PITPNC1: variants seen among roughly 807,000 people sequenced by gnomAD.
The protein encoded by PITPNC1 is phosphatidylinositol transfer protein cytoplasmic 1, also known as cytoplasmic phosphatidylinositol transfer protein 1.
A neutral mutation model predicts 44.7 loss-of-function variants in PITPNC1; 18 were observed. The ratio of observed to expected loss-of-function variants is 0.40; its 90% CI spans 0.28 to 0.60. PITPNC1 has a LOEUF of 0.60. PITPNC1 is among the 20% of genes least tolerant of loss of function. PITPNC1 has a pLI of 0.39. For missense variants in PITPNC1, 290 were observed against 418.4 expected, an observed-to-expected ratio of 0.69 and a Z score of 2.68; for synonymous variants, 141 against 149.6, an observed-to-expected ratio of 0.94 and a Z score of 0.42.
chr17:67,631,657 A>AAAAAAAATATAT (rs1555574522), intron 5 of PITPNC1, among the ~76,000 whole-genome samples: 1 of 7,680 alleles, frequency 1.3e-4, no homozygotes, highest in African/African-American at 3.7e-4. Context: ...AAAAAAAAAA[A>AAAAAAAATATAT]ATATATATAT....
At chr17:67,574,753 C>G (rs1348564472) in intron 4 of PITPNC1, among the ~76,000 whole-genome samples, 1 of 152,040 alleles carries the variant, frequency 6.6e-6, no homozygotes, top group African/African-American at 2.4e-5. Context: ...CCCGCACACC[C>G]CAGGACTCTG....
At chr17:67,565,874 G>A (rs183125934) in intron 4 of PITPNC1, among the ~76,000 whole-genome samples, 11,993 of 150,052 alleles carry the variant, frequency 0.08, 818 homozygotes, top group African/African-American at 0.2. Context: ...ATGTTTTTTC[G>A]GTGTGTATAC....
chr17:67,552,113 G>A (rs1418568617), intron 2 of PITPNC1, 144 bp from the exon 3 acceptor site: 8 of 625,198 alleles, frequency 1.3e-5, no homozygotes, highest in African/African-American at 3.7e-5. Flanking sequence ...GACAAAGACC[G>A]AAGAGATGGG....
At chr17:67,509,597 A>C (rs933615449) in intron 1 of PITPNC1, among the ~76,000 whole-genome samples, 6 of 150,212 alleles carry the variant, frequency 4.0e-5, no homozygotes, top group Admixed American at 2.6e-4. Flanking sequence ...TAAATAAATA[A>C]ATAAAACGTG....
chr17:67,664,969 G>T (rs1206067378), intron 6 of PITPNC1, among the ~76,000 whole-genome samples: 1 of 151,544 alleles, frequency 6.6e-6, no homozygotes, highest in Non-Finnish European at 1.5e-5. Context: ...ATTTCATTGT[G>T]TGGATATACC....
At chr17:67,434,427 C>T (rs1213428865) in intron 1 of PITPNC1, among the ~76,000 whole-genome samples, 1 of 151,176 alleles carries the variant, frequency 6.6e-6, no homozygotes, top group African/African-American at 2.4e-5. Flanking sequence ...GTTTCCTTTT[C>T]CGGCTCCCAC....
intron 6 of PITPNC1, among the ~76,000 whole-genome samples, chr17:67,642,614 A>G (rs1156277725): frequency 6.6e-6 from 1 of 152,218 alleles, no homozygotes; most frequent in African/African-American, 2.4e-5. Context: ...CTCACTTCCC[A>G]AGGAACAATG....
chr17:67,436,194 T>C (rs1386507036), intron 1 of PITPNC1, among the ~76,000 whole-genome samples: 2 of 150,424 alleles, frequency 1.3e-5, no homozygotes, highest in Non-Finnish European at 2.9e-5. Flanking sequence ...AGAGACAGGG[T>C]CTCACTTTCT....
In PITPNC1 at chr17:67,597,478, C is replaced by T. The variant is rs1013645383; in HGVS notation, c.366+19221C>T. The stretch of plus-strand genomic sequence containing the variant: ...CTGAGGCAGGAGAATCACTTGAATA[C>T]GGGAGGTGGAGGTTGCAGTGAGCTG... On this transcript the variant is annotated intron_variant, in intron 5 of 8. Transcript: ENST00000581322. The surrounding 1 kb of genome is among the most constrained non-coding windows in gnomAD (Gnocchi z 4.0). Among the ~76,000 whole-genome samples, 61 of 152,042 alleles carry T rather than the reference C, an allele frequency of 4.0e-4. No homozygotes were observed. The highest frequency in any genetic ancestry group is 1.4e-3 in the African/African-American group (59 of 41,482).
At chr17:67,659,950 G>T (rs1261998677) in intron 6 of PITPNC1, among the ~76,000 whole-genome samples, 3 of 152,020 alleles carry the variant, frequency 2.0e-5, no homozygotes, top group African/African-American at 7.2e-5. Context: ...CGCAATCTCA[G>T]GTCACTGCAA....
intron 1 of PITPNC1, among the ~76,000 whole-genome samples, chr17:67,411,591 C>T (rs2038497994): frequency 6.6e-6 from 1 of 152,032 alleles, no homozygotes; most frequent in Non-Finnish European, 1.5e-5. Flanking sequence ...CTAGGGGAAC[C>T]TGTGTCCTAG....
chr17:67,627,253 C>T (rs1265950254), intron 5 of PITPNC1, among the ~76,000 whole-genome samples: 1 of 152,124 alleles, frequency 6.6e-6, no homozygotes, highest in Non-Finnish European at 1.5e-5. Flanking sequence ...GACTTCATCT[C>T]AAAAAGAAAA....
chr17:67,574,389 G>A (rs1385423578), intron 4 of PITPNC1, among the ~76,000 whole-genome samples: 1 of 152,166 alleles, frequency 6.6e-6, no homozygotes, highest in Non-Finnish European at 1.5e-5. Context: ...TGGAGGAAAG[G>A]GATGTGTCAG....
At chr17:67,416,407 G>A (rs1205038302) in intron 1 of PITPNC1, among the ~76,000 whole-genome samples, 1 of 151,650 alleles carries the variant, frequency 6.6e-6, no homozygotes, top group African/African-American at 2.4e-5. Flanking sequence ...GTAGAGATGG[G>A]ATTCCACCAT....
intron 1 of PITPNC1, among the ~76,000 whole-genome samples, chr17:67,463,103 A>T (rs1379336537): frequency 6.6e-6 from 1 of 152,260 alleles, no homozygotes; most frequent in East Asian, 1.9e-4. Context: ...GTTTATATAG[A>T]CTGTGTACAT....
At chr17:67,652,698 G>A (rs9906698) in intron 6 of PITPNC1, among the ~76,000 whole-genome samples, 8,472 of 152,254 alleles carry the variant, frequency 0.056, 784 homozygotes, top group African/African-American at 0.19. Flanking sequence ...CAAGAGCATC[G>A]CTTGCAGAGA....
At chr17:67,417,228 C>T (rs1567981767) in intron 1 of PITPNC1, among the ~76,000 whole-genome samples, 2 of 152,006 alleles carry the variant, frequency 1.3e-5, no homozygotes, top group South Asian at 2.1e-4. Flanking sequence ...AACTCCTGGG[C>T]TTGAGTGATC....
chr17:67,658,537 G>A (rs754097615), intron 6 of PITPNC1, among the ~76,000 whole-genome samples: 20 of 152,146 alleles, frequency 1.3e-4, no homozygotes, highest in East Asian at 1.2e-3. Context: ...CTTGCCTTTC[G>A]CATAATAAAT....
In PITPNC1 at chr17:67,647,473, T is replaced by TG. The variant is rs1364160225; in HGVS notation, c.462+15235_462+15236insG. 8.2e-4 allele frequency among the ~76,000 whole-genome samples: 76 copies of TG among 92,320 alleles called. 1 individual carries two copies. Among genetic ancestry groups the TG allele is most frequent in the Non-Finnish European group, 1.3e-3 (67 of 49,786 alleles). The allele number at this position is 92,320 out of a possible 152,430, so 60.6% of individuals were successfully genotyped here. ...ACCCAGCTAATTTTGGGTTTTTTTT[T>TG]TTTTTTTTTTTTTTTTTTTTGTAGA... On this transcript the variant is annotated intron_variant, in intron 6 of 8. Coordinates refer to ENST00000581322, the MANE Select transcript of PITPNC1 (RefSeq NM_012417.4).
Sources: allele counts gnomAD v4.1 joint callset (sites outside exome capture counted in the v4.1 genomes callset), GRCh38; gene constraint gnomAD v4.1.1; non-coding constraint Gnocchi (gnomAD v3.1); transcripts MANE v1.5; gene names NCBI Gene and HGNC (gene_info 2026-07-23, HGNC 2026-07-21).